AKAP7: variants seen among roughly 807,000 people sequenced by gnomAD.
AKAP7 encodes A-kinase anchoring protein 7.
A neutral mutation model predicts 39.5 loss-of-function variants in AKAP7; 39 were observed. The ratio of observed to expected loss-of-function variants is 0.99; its 90% confidence interval spans 0.76 to 1.29. The LOEUF (loss-of-function observed/expected upper bound fraction) is 1.29. Ranked by LOEUF, AKAP7 falls within the 50% of genes most tolerant of loss-of-function variation. AKAP7 has a pLI of 0.00. For missense variants in AKAP7, 414 were observed against 407.7 expected (o/e 1.02, Z -0.13); for synonymous variants, 140 against 139.1 (o/e 1.01, Z -0.05).
chr6:131,138,495 G>C (rs1800766202), intron 1 of AKAP7, among the ~76,000 whole-genome samples: 1 of 152,162 alleles, frequency 6.6e-6, no homozygotes, highest in African/African-American at 2.4e-5. Context: ...CTTTGAGCAT[G>C]GATGATAGAT....
At chr6:131,261,209 CAAA>C (rs370266418) in intron 7 of AKAP7, among the ~76,000 whole-genome samples, 10 of 108,576 alleles carry the variant, frequency 9.2e-5, no homozygotes, top group Non-Finnish European at 2.0e-5. Context: ...ACTCTGTCTC[CAAA>C]AAAAAAAAAA....
intron 6 of AKAP7, among the ~76,000 whole-genome samples, chr6:131,202,596 G>T (rs1022482698): frequency 3.5e-5 from 5 of 143,194 alleles, no homozygotes; most frequent in African/African-American, 5.2e-5. Flanking sequence ...AACATCACAC[G>T]CTGGGGACTG....
At position 131,281,613 on chromosome 6, in the gene AKAP7, G is replaced by C; in HGVS notation, c.934G>C (p.Val312Leu). 6.2e-7 allele frequency: 1 copy of C among 1,613,642 alleles called. No individual in the cohort carries two copies. Among genetic ancestry groups the C allele is most frequent in the Non-Finnish European group, 8.5e-7 (1 of 1,179,820 alleles). ...RLVENAVLKA[V>L]QQYLEETQNK... The stretch of plus-strand genomic sequence containing the variant: ...GGTGGAGAACGCGGTGCTCAAGGCT[G>C]TCCAGCAGTATCTGGAGGAAACACA... The change falls in exon 8 of 8, where the codon GTC becomes CTC. Residue 312 changes from valine to leucine, a missense_variant. Transcript: ENST00000431975. The surrounding 1 kb of genome is among the most constrained non-coding windows in gnomAD (Gnocchi z 4.0).
intron 7 of AKAP7, among the ~76,000 whole-genome samples, chr6:131,264,098 T>C (rs547665855): frequency 6.6e-6 from 1 of 152,310 alleles, no homozygotes; most frequent in East Asian, 1.9e-4. Flanking sequence ...ATCCAGTCTT[T>C]TGGGGATTTA....
chr6:131,146,115 A>G (rs1801466035), intron 2 of AKAP7, among the ~76,000 whole-genome samples: 1 of 152,204 alleles, frequency 6.6e-6, no homozygotes. Context: ...TTTGCTAGGC[A>G]TTGAGAGGGT....
intron 5 of AKAP7, among the ~76,000 whole-genome samples, chr6:131,175,894 ACTT>A (rs1804525809): frequency 6.6e-6 from 1 of 152,068 alleles, no homozygotes; most frequent in Non-Finnish European, 1.5e-5. Flanking sequence ...ACAACTATCC[ACTT>A]CTTCATCAAA....
At chr6:131,131,463 CTTTCTTTT>C (rs200205303), upstream of AKAP7, among the ~76,000 whole-genome samples, 100 of 85,278 alleles carry the variant, frequency 1.2e-3, 1 homozygote, top group East Asian at 0.017. Context: ...GTTTCTCTTT[CTTTCTTTT>C]TTTTTTTTTT....
At chr6:131,196,747 T>C (rs1806970199) in intron 5 of AKAP7, among the ~76,000 whole-genome samples, 1 of 152,172 alleles carries the variant, frequency 6.6e-6, no homozygotes, top group African/African-American at 2.4e-5. Flanking sequence ...TTATTTACCC[T>C]TGATCTTTAA....
At chr6:131,128,955 G>T in the AKAP7 span, among the ~76,000 whole-genome samples, 1 of 151,932 alleles carries the variant, frequency 6.6e-6, no homozygotes, top group Non-Finnish European at 1.5e-5. Flanking sequence ...ATTGGCAATT[G>T]GTCAAATACA....
intron 7 of AKAP7, among the ~76,000 whole-genome samples, chr6:131,257,835 G>C (rs1585192694): frequency 6.6e-6 from 1 of 152,106 alleles, no homozygotes; most frequent in East Asian, 1.9e-4. Flanking sequence ...AAGACCTTCT[G>C]CACTACATGA....
chr6:131,155,177 T>C (rs1047893560), intron 2 of AKAP7, among the ~76,000 whole-genome samples: 4 of 152,144 alleles, frequency 2.6e-5, no homozygotes, highest in African/African-American at 9.7e-5. Context: ...CAATGCCTGG[T>C]TAATTTCTAA....
chr6:131,139,817 T>C (rs1237154048), intron 1 of AKAP7, among the ~76,000 whole-genome samples: 1 of 152,244 alleles, frequency 6.6e-6, no homozygotes, highest in Non-Finnish European at 1.5e-5. Flanking sequence ...TTATAGGAAG[T>C]TGTCCCTTTC....
chr6:131,240,512 C>T (rs1177760224), intron 7 of AKAP7, among the ~76,000 whole-genome samples: 3 of 152,226 alleles, frequency 2.0e-5, no homozygotes, highest in Non-Finnish European at 4.4e-5. Context: ...GAGGTGAAGT[C>T]TATAGAGGCA....
At chr6:131,172,163 G>A (rs1273294237) in intron 5 of AKAP7, among the ~76,000 whole-genome samples, 1 of 152,116 alleles carries the variant, frequency 6.6e-6, no homozygotes, top group Non-Finnish European at 1.5e-5. Flanking sequence ...CTTCAGTGAA[G>A]TCCCTAGGTA....
At chr6:131,185,878 G>C (rs1456962339) in intron 5 of AKAP7, among the ~76,000 whole-genome samples, 1 of 152,152 alleles carries the variant, frequency 6.6e-6, no homozygotes, top group Admixed American at 6.5e-5. Flanking sequence ...TCACACTCAA[G>C]AAATCATTGC....
chr6:131,142,963 A>T (rs1324964908), intron 1 of AKAP7, among the ~76,000 whole-genome samples: 1 of 152,198 alleles, frequency 6.6e-6, no homozygotes, highest in Non-Finnish European at 1.5e-5. Flanking sequence ...TTTTGGACTT[A>T]TGTGGAGCCT....
At chr6:131,234,844 T>C (rs1361186885) in intron 7 of AKAP7, among the ~76,000 whole-genome samples, 4 of 151,890 alleles carry the variant, frequency 2.6e-5, no homozygotes, top group African/African-American at 7.2e-5. Context: ...CTACTTGTCA[T>C]GTGGTTTTGA....
intron 1 of AKAP7, among the ~76,000 whole-genome samples, chr6:131,142,781 A>G (rs1360440152): frequency 6.6e-5 from 10 of 152,210 alleles, no homozygotes; most frequent in Non-Finnish European, 1.5e-5. Context: ...AGCTGCAGAC[A>G]TTCAATTCCA....
intron 5 of AKAP7, among the ~76,000 whole-genome samples, chr6:131,183,227 T>A (rs1805455754): frequency 6.6e-6 from 1 of 152,198 alleles, no homozygotes; most frequent in African/African-American, 2.4e-5. Context: ...CAGGGTATGC[T>A]GGCATGCACT....
Sources: gnomAD v4.1 joint callset for allele counts (sites outside exome capture counted in the v4.1 genomes callset) on GRCh38, gnomAD v4.1.1 for gene constraint, Gnocchi (gnomAD v3.1) non-coding constraint, MANE v1.5 for transcripts, NCBI Gene and HGNC (gene_info 2026-07-23, HGNC 2026-07-21) for gene names.